Variants in ZC3H13 observed in about 807,000 individuals in gnomAD.
ZC3H13 encodes zinc finger CCCH-type containing 13.
In ZC3H13, 64 loss-of-function variants were observed where a neutral mutation model predicts 204.1. The ratio of observed to expected loss-of-function variants is 0.31; its 90% confidence interval spans 0.26 to 0.39. ZC3H13 has a LOEUF of 0.39. Among genes scored for constraint, ZC3H13 ranks in the 10% least tolerant of loss-of-function variants. The pLI is 1.00. For missense variants in ZC3H13, 1,833 were observed against 2,082.7 expected, an observed-to-expected ratio of 0.88 and a Z score of 2.33; for synonymous variants, 667 against 693.7, an observed-to-expected ratio of 0.96 and a Z score of 0.60.
chr13:45,992,525 T>C (rs540111173), intron 8 of ZC3H13, among the ~76,000 whole-genome samples: 1 of 152,368 alleles, frequency 6.6e-6, no homozygotes, highest in Admixed American at 6.5e-5. Flanking sequence ...TGTTCCATTA[T>C]TGGAATACTA....
intron 4 of ZC3H13, among the ~76,000 whole-genome samples, chr13:46,038,883 G>A (rs1466963620): frequency 2.0e-5 from 3 of 152,114 alleles, no homozygotes; most frequent in East Asian, 1.9e-4. Flanking sequence ...TTAGCCAGGC[G>A]TGGTGGCACG....
rs879499124 is a variant in ZC3H13, at chr13:46,022,717, AT to A, written c.340-2161del. Among the ~76,000 whole-genome samples, 912 of 142,364 alleles carry A rather than the reference AT, an allele frequency of 6.4e-3. 1 individual carries two copies. Among genetic ancestry groups the A allele is most frequent in the African/African-American group, 7.5e-3 (292 of 39,014 alleles). 93.4% of individuals were successfully genotyped at this position (142,364 alleles called of 152,430 possible). A position where few individuals can be genotyped will look rare whatever the true frequency, so the allele number is the denominator to read the frequency against. ...GGATCAGATATTTTAAGAGTTCAGAATTTTTTTTTTTTTTTGCATTTCAAAG... is the reference window on the plus strand; with the variant it reads ...GGATCAGATATTTTAAGAGTTCAGAATTTTTTTTTTTTTTGCATTTCAAAG... On this transcript the variant is annotated intron_variant, in intron 4 of 18. Coordinates refer to ENST00000679008, the MANE Select transcript of ZC3H13 (RefSeq NM_001330564.2).
rs764357449 is a variant in ZC3H13, at chr13:45,985,644, C to T, written c.1373G>A (p.Arg458Gln). Reference sequence around the variant, plus strand: ...GTCCCTAGTATCTCTGGCATCTCTCCGATCCCGACCATCTCGAGGTTCTCT... The same window carrying T: ...GTCCCTAGTATCTCTGGCATCTCTCTGATCCCGACCATCTCGAGGTTCTCT... ...DDREPRDGRDRRDARDTRDRR... is the reference protein window; with the variant it reads ...DDREPRDGRDQRDARDTRDRR... The change falls in exon 10 of 19, where the codon CGG (arginine) becomes CAG (glutamine). Residue 458 changes from arginine to glutamine, a missense_variant. This residue lies in a region of ZC3H13 where 1,574 missense variants were observed against 1,757.2 expected (regional missense o/e 0.90). Transcript: ENST00000679008. 1.1e-5 allele frequency: 18 copies of T among 1,613,738 alleles called. No individual in the cohort carries two copies. Among genetic ancestry groups the T allele is most frequent in the Admixed American group, 3.3e-5 (2 of 59,962 alleles).
chr13:46,020,314 G>GT (rs1471282298), intron 5 of ZC3H13, 135 bp downstream of exon 5: 1 of 719,470 alleles, frequency 1.4e-6, no homozygotes, highest in Admixed American at 3.1e-5. Flanking sequence ...TTATAATTCA[G>GT]TAAGATAGAA....
chr13:46,010,460 GAGA>G lies in ZC3H13; in HGVS notation c.631_633del (p.Ser211del). On this transcript the variant is annotated inframe_deletion, in exon 7 of 19. Coordinates refer to ENST00000679008, the MANE Select transcript of ZC3H13 (RefSeq NM_001330564.2). ...TTCGGAGATTTGCTAGACTTTCTTA[GAGA>G]AGGTGACGGGGACAATTTTGATCTA... 1 of 1,613,752 alleles carries G rather than the reference GAGA, an allele frequency of 6.2e-7. No homozygotes were observed. Among genetic ancestry groups the G allele is most frequent in the Non-Finnish European group, 8.5e-7 (1 of 1,179,746 alleles).
chr13:46,017,701 G>C (rs1306210468), intron 5 of ZC3H13, among the ~76,000 whole-genome samples: 1 of 151,994 alleles, frequency 6.6e-6, no homozygotes, highest in African/African-American at 2.4e-5. Flanking sequence ...AAACCAGAAA[G>C]TTTATAAATA....
Position 46,052,320 on chromosome 13 carries a change from CG to C in ZC3H13, c.-10+83del, listed in dbSNP as rs370456896. 7.8e-3 allele frequency: 2,831 copies of C among 361,920 alleles called. 30 individuals carry two copies. Among genetic ancestry groups the C allele is most frequent in the African/African-American group, 0.038 (1,743 of 45,740 alleles). The allele number at this position is 361,920 out of a possible 1,614,324, so 22.4% of individuals were successfully genotyped here. A position where few individuals can be genotyped will look rare whatever the true frequency, so the allele number is the denominator to read the frequency against. On this transcript the variant is annotated intron_variant, in intron 1 of 18. Transcript: ENST00000679008. Reference sequence around the variant, plus strand: ...AAAATCCCAGTGACTCAAGCAAAGACGGGGGGGGGTAACCCGGGCCTCCGCA... The same window carrying C: ...AAAATCCCAGTGACTCAAGCAAAGACGGGGGGGGTAACCCGGGCCTCCGCA...
rs550965757 is a variant in ZC3H13, at chr13:45,969,334, C to G, written c.3210G>C (p.Glu1070Asp). ...TCACCTCTGTACGGTCAGGGACATC[C>G]TCATCAGACCAGTCACTGAATGCTG... ...EDTAFSDWSD[E>D]DVPDRTEVTE... The change falls in exon 14 of 19, where the codon GAG becomes GAC. Residue 1070 changes from glutamate to aspartate, a missense_variant. Transcript: ENST00000679008. 2 of 1,613,980 alleles carry G rather than the reference C, an allele frequency of 1.2e-6. No homozygotes were observed. The highest frequency in any genetic ancestry group is 4.5e-5 in the East Asian group (2 of 44,886).
intron 15 of ZC3H13, 73 bp from the exon 16 acceptor site, chr13:45,965,505 A>G (rs1952008119): frequency 3.3e-6 from 5 of 1,510,362 alleles, no homozygotes; most frequent in African/African-American, 1.4e-5. Context: ...ACCAAAAGGT[A>G]GAGGGTACAC....
chr13:45,982,701 G>A (rs1157852513), intron 10 of ZC3H13, among the ~76,000 whole-genome samples: 2 of 151,946 alleles, frequency 1.3e-5, no homozygotes, highest in African/African-American at 4.8e-5. Context: ...CTGAAAAATT[G>A]GAAATCCAAA....
rs188024523 is a variant in ZC3H13 at position 46,019,562 on chromosome 13, T to C, written c.448+887A>G. Among the ~76,000 whole-genome samples, 12 of 152,268 alleles carry C rather than the reference T, an allele frequency of 7.9e-5. No individual in the cohort carries two copies. In the East Asian group the frequency reaches 2.1e-3, roughly 27 times the overall value. ...ACCCCCACTCAATGCATTTAACAAA[T>C]ACAAGTTCTCTTTCTCTGTGTTTGG... On this transcript the variant is annotated intron_variant, in intron 5 of 18. Coordinates refer to ENST00000679008, the MANE Select transcript of ZC3H13 (RefSeq NM_001330564.2).
chr13:46,011,601 A>T, intron 5 of ZC3H13, 47 bp from the exon 6 acceptor site: 1 of 1,445,568 alleles, frequency 6.9e-7, no homozygotes. Context: ...ATAATTATCT[A>T]TGCCAAAAAT....
At position 45,988,993 on chromosome 13, in the gene ZC3H13, C is replaced by A. The variant is rs11537603; in HGVS notation, c.1049G>T (p.Arg350Leu). ...AGATGGTGAAGGAGTTCTTTTTCGA[C>A]GAGGAGAAGGAGAATGTCTTTGAAT... Reference protein sequence around the residue: ...SSIQRHSPSPRRKRTPSPSYQ... With the variant: ...SSIQRHSPSPLRKRTPSPSYQ... The change falls in exon 9 of 19, where the codon CGT (arginine) becomes CTT (leucine). Residue 350 changes from arginine (R) to leucine (L), a missense_variant. Arg to Leu is a moderately radical substitution (Grantham distance 102, BLOSUM62 -2). This residue lies in a region of ZC3H13 where 1,574 missense variants were observed against 1,757.2 expected (regional missense o/e 0.90). Coordinates refer to ENST00000679008, the MANE Select transcript of ZC3H13 (RefSeq NM_001330564.2). 5.0e-6 allele frequency: 8 copies of A among 1,613,658 alleles called. No homozygotes were observed. The highest frequency in any genetic ancestry group is 5.9e-6 in the Non-Finnish European group (7 of 1,179,942).
intron 12 of ZC3H13, among the ~76,000 whole-genome samples, chr13:45,972,189 A>C (rs1308399049): frequency 5.9e-5 from 9 of 152,092 alleles, no homozygotes; most frequent in Non-Finnish European, 7.4e-5. Context: ...AAAAAAAAAA[A>C]CATGCACATA....
chr13:46,021,387 T>C (rs2042207208), intron 4 of ZC3H13, among the ~76,000 whole-genome samples: 1 of 151,990 alleles, frequency 6.6e-6, no homozygotes, highest in Non-Finnish European at 1.5e-5. Context: ...ACCAGTGTTA[T>C]ATAATTGTTA....
At position 46,006,464 on chromosome 13, in the gene ZC3H13, T is replaced by C. The variant is rs141132794; in HGVS notation, c.747-3128A>G. 1.7e-4 allele frequency among the ~76,000 whole-genome samples: 26 copies of C among 151,984 alleles called. No individual in the cohort carries two copies. The East Asian group carries it at 4.6e-3, about 27-fold the overall frequency. On this transcript the variant is annotated intron_variant, in intron 7 of 18. Transcript: ENST00000679008. The stretch of plus-strand genomic sequence containing the variant: ...ATCCTCACAAATTGCACTAAACTTA[T>C]AAATGAATTTATAATTTAAGTTTGT...
chr13:46,030,854 C>G (rs2042851898), intron 4 of ZC3H13, among the ~76,000 whole-genome samples: 1 of 152,154 alleles, frequency 6.6e-6, no homozygotes, highest in Admixed American at 6.5e-5. Context: ...GACTACATAT[C>G]TGTCAAGATG....
intron 4 of ZC3H13, among the ~76,000 whole-genome samples, chr13:46,026,649 C>T (rs570053735): frequency 2.0e-5 from 3 of 151,998 alleles, no homozygotes; most frequent in Admixed American, 6.5e-5. Flanking sequence ...CACATACACA[C>T]GTAAAAAACA....
intron 12 of ZC3H13, among the ~76,000 whole-genome samples, chr13:45,972,052 G>A (rs191001504): frequency 2.1e-4 from 32 of 152,120 alleles, no homozygotes. Flanking sequence ...CACTGCTGGT[G>A]GGTATGTAAA....
Sources: allele counts gnomAD v4.1 joint callset (sites outside exome capture counted in the v4.1 genomes callset), GRCh38; gene constraint gnomAD v4.1.1; regional missense constraint gnomAD v4.1.1; transcripts MANE v1.5; gene names NCBI Gene and HGNC (gene_info 2026-07-23, HGNC 2026-07-21).